Variants in ARL6IP1 observed in about 807,000 individuals in gnomAD.
ARL6IP1 encodes the protein ARL6 interacting reticulophagy regulator 1.
ARL6IP1 carries 16 observed loss-of-function variants against 30.1 expected under a neutral mutation model. That is an observed-to-expected ratio of 0.53 (90% CI 0.36 to 0.81). The LOEUF is 0.81. Ranked by LOEUF, ARL6IP1 falls within the 30% of genes least tolerant of loss-of-function variation. ARL6IP1 has a pLI of 0.01. For synonymous variants in ARL6IP1, 72 were observed against 84.8 expected, an observed-to-expected ratio of 0.85 and a Z score of 0.83; for missense variants, 173 against 242.7, an observed-to-expected ratio of 0.71 and a Z score of 1.91.
rs1195955303 is a variant in ARL6IP1, at chr16:18,793,160, C to T, written c.*92G>A. 2.3e-5 allele frequency: 19 copies of T among 814,308 alleles called. No individual in the cohort carries two copies. Among genetic ancestry groups the T allele is most frequent in the Non-Finnish European group, 3.7e-5 (19 of 507,496 alleles). 50.4% of individuals were successfully genotyped at this position (814,308 alleles called of 1,614,324 possible). ...CAGAGTGAGGGAGAACAAAGAGCTA[C>T]TTCCGTAACATTTTAGTATCCAGAT... On this transcript the variant is annotated 3_prime_UTR_variant, in exon 6 of 6. Coordinates refer to ENST00000304414, the MANE Select transcript of ARL6IP1 (RefSeq NM_015161.3).
intron 3 of ARL6IP1, 78 bp from the exon 4 acceptor site, chr16:18,795,659 G>C (rs968124293): frequency 6.7e-6 from 6 of 891,168 alleles, no homozygotes; most frequent in Non-Finnish European, 1.1e-5. Context: ...CAATTTAAGA[G>C]CTATCTTCTA....
In ARL6IP1 at chr16:18,794,757, A is replaced by G. The variant is rs975374382; in HGVS notation, c.409-74T>C. On this transcript the variant is annotated intron_variant, in intron 4 of 5. Coordinates refer to ENST00000304414, the MANE Select transcript of ARL6IP1 (RefSeq NM_015161.3). ...AAATATATGTAATTTTTATTTGTCAATTAAAGAAGAATGTGTTTCAAAGTT... is the reference window on the plus strand; with the variant it reads ...AAATATATGTAATTTTTATTTGTCAGTTAAAGAAGAATGTGTTTCAAAGTT... 1.2e-5 allele frequency: 13 copies of G among 1,078,020 alleles called. 1 individual carries two copies. The Admixed American group carries it at 1.3e-4, about 11-fold the overall frequency. 66.8% of individuals were successfully genotyped at this position (1,078,020 alleles called of 1,614,324 possible).
At chr16:18,796,132 G>C (rs762181730) in intron 3 of ARL6IP1, among the ~76,000 whole-genome samples, 1 of 152,166 alleles carries the variant, frequency 6.6e-6, no homozygotes, top group African/African-American at 2.4e-5. Context: ...TCCCTAGGGA[G>C]GGAAAATATA....
In ARL6IP1 at chr16:18,799,617, C is replaced by T. The variant is rs1345583447; in HGVS notation, c.37-783G>A. 4.6e-5 allele frequency among the ~76,000 whole-genome samples: 7 copies of T among 152,146 alleles called. No homozygotes were observed. In the East Asian group the frequency reaches 1.4e-3, roughly 29 times the overall value. On this transcript the variant is annotated intron_variant, in intron 1 of 5. Transcript: ENST00000304414. ...TCTAAATCCATTAGGAAAGACTTTC[C>T]CTGAATAGCATTCAATTTCTAAAAT...
At chr16:18,795,774 A>T (rs1489035591) in intron 3 of ARL6IP1, among the ~76,000 whole-genome samples, 193 bp from the exon 4 acceptor site, 2 of 151,812 alleles carry the variant, frequency 1.3e-5, no homozygotes, top group African/African-American at 4.9e-5. Context: ...GTATTTACAT[A>T]AACTATGTGT....
intron 5 of ARL6IP1, 58 bp from the exon 6 acceptor site, chr16:18,793,428 T>G: frequency 1.0e-6 from 1 of 958,000 alleles, no homozygotes; most frequent in East Asian, 2.7e-5. Context: ...CTAAAGGTTA[T>G]TACTTTTTTT....
At chr16:18,796,442 A>T (rs943066460) in intron 3 of ARL6IP1, among the ~76,000 whole-genome samples, 1 of 152,256 alleles carries the variant, frequency 6.6e-6, no homozygotes, top group Admixed American at 6.5e-5. Context: ...GATTGTGGCT[A>T]TGCAAAAGAG....
At chr16:18,799,027 T>G (rs1011098015) in intron 1 of ARL6IP1, among the ~76,000 whole-genome samples, 193 bp from the exon 2 acceptor site, 2 of 144,934 alleles carry the variant, frequency 1.4e-5, no homozygotes, top group East Asian at 2.0e-4. Context: ...GTTTTTTGTG[T>G]TTTTTTTTTT....
In ARL6IP1 at chr16:18,793,219, G is replaced by A; in HGVS notation, c.*33C>T. 1 of 1,409,606 alleles carries A rather than the reference G, an allele frequency of 7.1e-7. No individual in the cohort carries two copies. The highest frequency in any genetic ancestry group is 1.0e-6 in the Non-Finnish European group (1 of 1,001,678). 87.3% of individuals were successfully genotyped at this position (1,409,606 alleles called of 1,614,324 possible). A position where few individuals can be genotyped will look rare whatever the true frequency, so the allele number is the denominator to read the frequency against. ...AGAAACGGTTCCCGGGGCAATGGGT[G>A]CTGCATTAATCACACTGATTAAAGC... is the stretch of plus-strand genomic sequence containing the variant. On this transcript the variant is annotated 3_prime_UTR_variant, in exon 6 of 6. Transcript: ENST00000304414.
chr16:18,799,819 G>A (rs575502445), intron 1 of ARL6IP1, among the ~76,000 whole-genome samples: 16 of 152,170 alleles, frequency 1.1e-4, no homozygotes, highest in Admixed American at 1.0e-3. Context: ...CTGAACAGCC[G>A]AAAGTGGGCC....
Position 18,801,535 on chromosome 16 carries a change from C to T in ARL6IP1, c.-69G>A. 2.5e-6 allele frequency: 4 copies of T among 1,582,560 alleles called. No homozygotes were observed. Among genetic ancestry groups the T allele is most frequent in the East Asian group, 2.3e-5 (1 of 43,884 alleles). On this transcript the variant is annotated 5_prime_UTR_variant, in exon 1 of 6. It adds an upstream start codon to the 5' untranslated region. Transcript: ENST00000304414. Reference sequence around the variant, plus strand: ...ACGAGTCCTCCAACCGAAACCCGCACACCAACCACAACCCGAGGGAACGCC... The same window carrying T: ...ACGAGTCCTCCAACCGAAACCCGCATACCAACCACAACCCGAGGGAACGCC...
intron 3 of ARL6IP1, 116 bp downstream of exon 3, chr16:18,797,809 T>A (rs2030286216): frequency 1.6e-6 from 2 of 1,274,748 alleles, no homozygotes; most frequent in African/African-American, 3.0e-5. Context: ...ATAAATCTAA[T>A]GCTTAGGTGT....
intron 4 of ARL6IP1, 177 bp downstream of exon 4, chr16:18,795,287 C>A: frequency 8.7e-6 from 4 of 461,976 alleles, no homozygotes; most frequent in Non-Finnish European, 1.1e-5. Flanking sequence ...AAATTAAATG[C>A]AAAAATGTAA....
chr16:18,793,058 G>A lies in ARL6IP1; in HGVS notation c.*194C>T, dbSNP rs957336981. Reference sequence around the variant, plus strand: ...GTCCATGAAGCCAACTGCTAAGAACGCGCTCAACTATACGCGACATGAAGA... The same window carrying A: ...GTCCATGAAGCCAACTGCTAAGAACACGCTCAACTATACGCGACATGAAGA... On this transcript the variant is annotated 3_prime_UTR_variant, in exon 6 of 6. Coordinates refer to ENST00000304414, the MANE Select transcript of ARL6IP1 (RefSeq NM_015161.3). 1.3e-5 allele frequency: 6 copies of A among 448,412 alleles called. No individual in the cohort carries two copies. The highest frequency in any genetic ancestry group is 4.0e-5 in the Admixed American group (1 of 25,008). 27.8% of individuals were successfully genotyped at this position (448,412 alleles called of 1,614,324 possible).
In ARL6IP1 at chr16:18,797,965, C is replaced by T; in HGVS notation, c.250G>A (p.Val84Ile). 6.2e-7 allele frequency: 1 copy of T among 1,613,792 alleles called. No individual in the cohort carries two copies. Among genetic ancestry groups the T allele is most frequent in the Non-Finnish European group, 8.5e-7 (1 of 1,179,886 alleles). ...VMFLCLADYL[V>I]PILAPRIFGS... ...AAAATTCTAGGCGCTAGAATGGGAA[C>T]AAGGTAGTCAGCCAAGCACAAAAAC... The change falls in exon 3 of 6, where the codon GTT becomes ATT. Residue 84 changes from valine to isoleucine, a missense_variant. Coordinates refer to ENST00000304414, the MANE Select transcript of ARL6IP1 (RefSeq NM_015161.3).
intron 1 of ARL6IP1, among the ~76,000 whole-genome samples, chr16:18,800,364 T>C (rs2030371549): frequency 6.6e-6 from 1 of 152,208 alleles, no homozygotes; most frequent in African/African-American, 2.4e-5. Flanking sequence ...GTTATATTGC[T>C]CTGCTGGAAG....
intron 2 of ARL6IP1, 27 bp downstream of exon 2, chr16:18,798,673 AC>A: frequency 1.9e-6 from 3 of 1,611,086 alleles, no homozygotes; most frequent in Non-Finnish European, 2.5e-6. Flanking sequence ...AAGAAGCACA[AC>A]CCATAGTAAT....
Position 18,798,846 on chromosome 16 carries a change from C to T in ARL6IP1, c.37-12G>A, listed in dbSNP as rs749748180. 6.2e-7 allele frequency: 1 copy of T among 1,612,192 alleles called. No homozygotes were observed. Among genetic ancestry groups the T allele is most frequent in the Non-Finnish European group, 8.5e-7 (1 of 1,179,118 alleles). ...GCAGTCTCTGCAGCCTAAATACCAC[C>T]GACATTTAAAGTGATCATTTTACCA... On this transcript the variant is annotated splice_polypyrimidine_tract_variant and intron_variant, in intron 1 of 5. Transcript: ENST00000304414.
chr16:18,795,322 CTAAT>C (rs1348353469), intron 4 of ARL6IP1, 138 bp downstream of exon 4: 7 of 523,558 alleles, frequency 1.3e-5, no homozygotes, highest in African/African-American at 9.6e-5. Context: ...ATGATTCAGT[CTAAT>C]TAATACAGGT....
Sources: gnomAD v4.1 joint callset for allele counts (sites outside exome capture counted in the v4.1 genomes callset) on GRCh38, gnomAD v4.1.1 for gene constraint, MANE v1.5 for transcripts, NCBI Gene and HGNC (gene_info 2026-07-23, HGNC 2026-07-21) for gene names.